Variants in SRGAP2C observed in about 807,000 individuals in gnomAD.
The protein encoded by SRGAP2C is SLIT-ROBO Rho GTPase-activating protein 2C.
Under a neutral mutation model 25.1 loss-of-function variants are expected in SRGAP2C, and 15 were observed. That is an observed-to-expected ratio of 0.60 (90% CI 0.40 to 0.92). SRGAP2C has a LOEUF of 0.92. Ranked by LOEUF, SRGAP2C falls within the 40% of genes least tolerant of loss-of-function variation. The pLI, the probability that SRGAP2C is intolerant of heterozygous loss-of-function variation, is 0.00. For synonymous variants in SRGAP2C, 44 were observed against 96.6 expected (o/e 0.46, Z 3.19); for missense variants, 144 against 264.4 (o/e 0.54, Z 3.16).
chr1:121,233,094 A>C (rs1655859019), intron 2 of SRGAP2C, among the ~76,000 whole-genome samples: 1 of 122,922 alleles, frequency 8.1e-6, no homozygotes, highest in East Asian at 2.6e-4. Context: ...GTGGACCTTG[A>C]GTAGCTGAGT....
chr1:121,204,557 G>T (rs1655070582), intron 2 of SRGAP2C, among the ~76,000 whole-genome samples: 1 of 151,958 alleles, frequency 6.6e-6, no homozygotes, highest in African/African-American at 2.4e-5. Context: ...ACCGTGCCCG[G>T]CCTCAGAGTA....
chr1:121,222,355 G>A (rs587736682), intron 2 of SRGAP2C, among the ~76,000 whole-genome samples: 8,943 of 151,876 alleles, frequency 0.059, 879 homozygotes, highest in African/African-American at 0.21. Context: ...TTGGGTTGGC[G>A]CTGTGGCTCA....
intron 4 of SRGAP2C, among the ~76,000 whole-genome samples, chr1:121,351,184 G>A (rs2101633780): frequency 6.6e-6 from 1 of 152,092 alleles, no homozygotes; most frequent in Admixed American, 6.5e-5. Flanking sequence ...ATGGAAAACT[G>A]AAAATTCCTC....
At chr1:121,365,879 C>T (rs1445306025) in intron 5 of SRGAP2C, among the ~76,000 whole-genome samples, 1 of 135,998 alleles carries the variant, frequency 7.4e-6, no homozygotes, top group Non-Finnish European at 1.6e-5. Flanking sequence ...GCACTGGCTT[C>T]CTGGAGTTTT....
chr1:121,282,953 A>G (rs1231567755), intron 2 of SRGAP2C, among the ~76,000 whole-genome samples: 5 of 149,026 alleles, frequency 3.4e-5, no homozygotes, highest in African/African-American at 1.2e-4. Context: ...GGCTATTACT[A>G]TCAGCTTTTC....
chr1:121,213,141 G>T (rs1278827007), intron 2 of SRGAP2C, among the ~76,000 whole-genome samples: 1 of 150,290 alleles, frequency 6.7e-6, no homozygotes, highest in Non-Finnish European at 1.5e-5. Flanking sequence ...TGCCTCCCAG[G>T]TTCAAATGAT....
chr1:121,222,811 G>A (rs1203926625), intron 2 of SRGAP2C, among the ~76,000 whole-genome samples: 8 of 151,738 alleles, frequency 5.3e-5, no homozygotes, highest in Admixed American at 6.6e-5. Flanking sequence ...ACCTCTGCTG[G>A]TTATACCAGG....
chr1:121,375,778 C>T (rs1214547997), intron 7 of SRGAP2C, among the ~76,000 whole-genome samples: 7 of 151,778 alleles, frequency 4.6e-5, no homozygotes, highest in African/African-American at 1.7e-4. Context: ...CTCACATCAC[C>T]ATTATGGGTA....
At chr1:121,322,823 A>G (rs1358353853) in intron 3 of SRGAP2C, among the ~76,000 whole-genome samples, 57 of 152,038 alleles carry the variant, frequency 3.7e-4, no homozygotes, top group African/African-American at 1.4e-3. Context: ...ACAAATCACA[A>G]GTGCCTGGCC....
In SRGAP2C at chr1:121,335,150, G is replaced by C. The variant is rs1373891226; in HGVS notation, c.423+10510G>C. ...TCTACTAAAAATACAAAAATTAGCT[G>C]GGCATGGTGGTACGTGCCTGTAATC... On this transcript the variant is annotated intron_variant, in intron 4 of 9. Transcript: ENST00000367123. Among the ~76,000 whole-genome samples the C allele has an allele frequency of 2.7e-5, 4 of 150,790 alleles. No individual in the cohort carries two copies. The East Asian group carries it at 7.8e-4, about 30-fold the overall frequency.
intron 2 of SRGAP2C, among the ~76,000 whole-genome samples, chr1:121,204,292 A>T (rs1254431727): frequency 1.3e-5 from 2 of 151,778 alleles, no homozygotes; most frequent in East Asian, 1.9e-4. Flanking sequence ...AAGTTGTCTC[A>T]ATTTCCTTAT....
chr1:121,237,667 G>A (rs1247687993), intron 2 of SRGAP2C, among the ~76,000 whole-genome samples: 2 of 152,068 alleles, frequency 1.3e-5, no homozygotes, highest in Non-Finnish European at 2.9e-5. Context: ...CTACCAAGAA[G>A]GGGAGTAATG....
At chr1:121,272,891 A>G (rs1657009192) in intron 2 of SRGAP2C, among the ~76,000 whole-genome samples, 1 of 151,316 alleles carries the variant, frequency 6.6e-6, no homozygotes, top group Non-Finnish European at 1.5e-5. Context: ...TCAGGCATGT[A>G]GCAAGCACTT....
intron 2 of SRGAP2C, among the ~76,000 whole-genome samples, chr1:121,224,116 C>A (rs587697652): frequency 1.3e-5 from 2 of 150,578 alleles, no homozygotes; most frequent in Non-Finnish European, 3.0e-5. Flanking sequence ...TGCCTCTGAG[C>A]GTGCATCATC....
intron 3 of SRGAP2C, among the ~76,000 whole-genome samples, chr1:121,314,017 G>A (rs1192470365): frequency 2.3e-5 from 3 of 132,186 alleles, no homozygotes; most frequent in Non-Finnish European, 3.2e-5. Flanking sequence ...ATCCTGCAGA[G>A]TGTTTTCCAA....
At chr1:121,375,290 C>A (rs61806693) in intron 7 of SRGAP2C, among the ~76,000 whole-genome samples, 82 of 118,910 alleles carry the variant, frequency 6.9e-4, no homozygotes, top group Non-Finnish European at 9.0e-4. Context: ...CCACTACACT[C>A]GTCTATCTGC....
At chr1:121,271,199 ATTGCC>A (rs1656948658) in intron 2 of SRGAP2C, among the ~76,000 whole-genome samples, 1 of 149,358 alleles carries the variant, frequency 6.7e-6, no homozygotes, top group Non-Finnish European at 1.5e-5. Flanking sequence ...ATATAACAAC[ATTGCC>A]TTGTGGTGTT....
Position 121,310,320 on chromosome 1 carries a change from A to G in SRGAP2C, c.261-14158A>G, listed in dbSNP as rs1411870453. The stretch of plus-strand genomic sequence containing the variant: ...TTTGAGTTCATTGTAGATTCTGGAT[A>G]TTAGCCCTTTGTCAGATGAGTAGGT... On this transcript the variant is annotated intron_variant, in intron 3 of 9. Transcript: ENST00000367123. Among the ~76,000 whole-genome samples, 8 of 99,836 alleles carry G rather than the reference A, an allele frequency of 8.0e-5. No homozygotes were observed. The South Asian group carries it at 2.2e-3, about 28-fold the overall frequency. 65.5% of individuals were successfully genotyped at this position (99,836 alleles called of 152,430 possible). A position where few individuals can be genotyped will look rare whatever the true frequency, so the allele number is the denominator to read the frequency against.
In SRGAP2C at chr1:121,213,700, G is replaced by A. The variant is rs1381638222; in HGVS notation, c.67+26187G>A. Among the ~76,000 whole-genome samples the A allele has an allele frequency of 6.8e-5, 5 of 73,740 alleles. 2 individuals carry two copies. The highest frequency in any genetic ancestry group is 3.3e-4 in the South Asian group (1 of 2,988). 48.4% of individuals were successfully genotyped at this position (73,740 alleles called of 152,430 possible). A position where few individuals can be genotyped will look rare whatever the true frequency, so the allele number is the denominator to read the frequency against. ...TCTGTAGTAGCCAGATGGCCTGGGC[G>A]CTCACAGTAAGTTACGTTTACATAG... is the stretch of plus-strand genomic sequence containing the variant. On this transcript the variant is annotated intron_variant, in intron 2 of 9. Coordinates refer to ENST00000367123, the MANE Select transcript of SRGAP2C (RefSeq NM_001329984.2).
Sources: gnomAD v4.1 joint callset for allele counts (sites outside exome capture counted in the v4.1 genomes callset) on GRCh38, gnomAD v4.1.1 for gene constraint, MANE v1.5 for transcripts, NCBI Gene and HGNC (gene_info 2026-07-23, HGNC 2026-07-21) for gene names.